Variants in MAP7 observed in about 807,000 individuals in gnomAD.
MAP7 encodes the protein ensconsin.
Under a neutral mutation model 94.8 loss-of-function variants are expected in MAP7, and 52 were observed. That is an observed-to-expected ratio of 0.55 (90% CI 0.44 to 0.69). The LOEUF (loss-of-function observed/expected upper bound fraction) is 0.69. MAP7 is among the 30% of genes least tolerant of loss of function. The pLI is 0.00. For missense variants in MAP7, 940 were observed against 964.6 expected (o/e 0.97, Z 0.34); for synonymous variants, 350 against 357.0 (o/e 0.98, Z 0.22).
intron 1 of MAP7, among the ~76,000 whole-genome samples, chr6:136,494,699 T>C (rs1198488213): frequency 6.6e-6 from 1 of 152,146 alleles, no homozygotes. Context: ...CTACACGAGA[T>C]GAAAGATTGT....
intron 1 of MAP7, among the ~76,000 whole-genome samples, chr6:136,477,590 A>T (rs1411579583): frequency 6.6e-6 from 1 of 152,234 alleles, no homozygotes; most frequent in East Asian, 1.9e-4. Flanking sequence ...ATGATAAAGG[A>T]GTGAATTCAT....
intron 6 of MAP7, among the ~76,000 whole-genome samples, chr6:136,378,447 C>A (rs1776856341): frequency 6.6e-6 from 1 of 152,154 alleles, no homozygotes; most frequent in Admixed American, 6.5e-5. Context: ...AAGATTCGTG[C>A]AAAGTTCTGT....
chr6:136,492,515 T>A lies in MAP7; in HGVS notation c.67+57827A>T, dbSNP rs528340454. Among the ~76,000 whole-genome samples, 99 of 152,344 alleles carry A rather than the reference T, an allele frequency of 6.5e-4. 1 individual carries two copies. Among genetic ancestry groups the A allele is most frequent in the South Asian group, 6.4e-3 (31 of 4,828 alleles). On this transcript the variant is annotated intron_variant, in intron 1 of 17. Transcript: ENST00000354570. ...CATGTAAATATAATCTTAGCTCTAA[T>A]GTTTTCCTTTGGGAGTTTGGGAAAA...
intron 1 of MAP7, among the ~76,000 whole-genome samples, chr6:136,515,841 G>A (rs1824647772): frequency 6.6e-6 from 1 of 152,190 alleles, no homozygotes; most frequent in East Asian, 1.9e-4. Context: ...ATGCAGAGAT[G>A]AGAAGTAGGC....
At chr6:136,415,657 T>C (rs1164474065) in intron 2 of MAP7, among the ~76,000 whole-genome samples, 1 of 152,234 alleles carries the variant, frequency 6.6e-6, no homozygotes, top group Non-Finnish European at 1.5e-5. Context: ...CTCTGATTTC[T>C]ATGCTATCAT....
chr6:136,482,095 A>C (rs1285882942), intron 1 of MAP7, among the ~76,000 whole-genome samples: 1 of 152,206 alleles, frequency 6.6e-6, no homozygotes, highest in Non-Finnish European at 1.5e-5. Context: ...CACCAGTCAG[A>C]AAGGCTCTTA....
intron 16 of MAP7, among the ~76,000 whole-genome samples, chr6:136,352,331 G>T (rs1172638342): frequency 6.6e-6 from 1 of 151,994 alleles, no homozygotes. Flanking sequence ...GGGACGATAG[G>T]TGTACGCCAC....
chr6:136,418,487 T>A (rs2128760702), intron 2 of MAP7, among the ~76,000 whole-genome samples: 1 of 152,342 alleles, frequency 6.6e-6, no homozygotes, highest in South Asian at 2.1e-4. Flanking sequence ...ATTGCTGGGA[T>A]TACAGGCGTG....
chr6:136,393,455 A>G (rs1418937883), intron 3 of MAP7, among the ~76,000 whole-genome samples: 1 of 152,170 alleles, frequency 6.6e-6, no homozygotes, highest in African/African-American at 2.4e-5. Context: ...TTCTAGGATG[A>G]GGCCCGGTAA....
intron 5 of MAP7, among the ~76,000 whole-genome samples, chr6:136,386,046 C>T (rs567843253): frequency 9.9e-5 from 15 of 152,260 alleles, no homozygotes; most frequent in African/African-American, 3.6e-4. Context: ...GCTGGGATTA[C>T]AGGTGTGAGC....
rs566161635 is a variant in MAP7, at chr6:136,362,691, T to C, written c.1285A>G (p.Met429Val). 1.9e-5 allele frequency: 31 copies of C among 1,593,332 alleles called. No individual in the cohort carries two copies. Among genetic ancestry groups the C allele is most frequent in the African/African-American group, 4.1e-5 (3 of 74,028 alleles). ...GGGGCCGAGGCTGGAGCTGGGGCCA[T>C]GGCTGGAGCAGCTGCACAAATAGGT... ...EPEVGPAAPA[M>V]APAPASAPAP... Residue 429 changes from methionine (M) to valine (V), a missense_variant, in exon 11 of 18, where the codon ATG becomes GTG. By Grantham distance (21) the Met-to-Val change is conservative. Transcript: ENST00000354570.
At chr6:136,472,974 C>G (rs1163604790) in intron 1 of MAP7, among the ~76,000 whole-genome samples, 1 of 152,180 alleles carries the variant, frequency 6.6e-6, no homozygotes, top group Non-Finnish European at 1.5e-5. Context: ...AAGAATTATT[C>G]CCATTCCCAG....
Position 136,377,756 on chromosome 6 carries a change from T to G in MAP7, c.750A>C (p.Ala250=), listed in dbSNP as rs1442407786. Residue 250 remains alanine, a splice_region_variant and synonymous_variant, in exon 7 of 18, where the codon GCA becomes GCC. Transcript: ENST00000354570. ...SKSTAALSGE[A]ASCSPIIMPY... is the part of the protein sequence containing the mutation. Reference sequence around the variant, plus strand: ...AAAGTTCCACCTGGACAGTTTTACCTGCTTCTCCAGACAAGGCAGCTGTGC... The same window carrying G: ...AAAGTTCCACCTGGACAGTTTTACCGGCTTCTCCAGACAAGGCAGCTGTGC... 1 of 1,613,362 alleles carries G rather than the reference T, an allele frequency of 6.2e-7. No homozygotes were observed. Among genetic ancestry groups the G allele is most frequent in the Non-Finnish European group, 8.5e-7 (1 of 1,179,358 alleles).
intron 1 of MAP7, among the ~76,000 whole-genome samples, chr6:136,437,514 C>T (rs577864789): frequency 2.0e-5 from 3 of 152,268 alleles, no homozygotes; most frequent in Admixed American, 2.0e-4. Flanking sequence ...AATACAGGCA[C>T]CATCTATGCT....
At chr6:136,547,495 C>T (rs1190830598) in intron 1 of MAP7, among the ~76,000 whole-genome samples, 1 of 151,980 alleles carries the variant, frequency 6.6e-6, no homozygotes, top group Non-Finnish European at 1.5e-5. Flanking sequence ...TATCACCCAT[C>T]GTAGGTCGAC....
chr6:136,382,374 G>A (rs1778046035), intron 6 of MAP7, among the ~76,000 whole-genome samples: 1 of 152,134 alleles, frequency 6.6e-6, no homozygotes, highest in African/African-American at 2.4e-5. Flanking sequence ...GTTCACAAAA[G>A]TATGAAACTA....
At chr6:136,381,919 C>CACACACACACACACACACAGAGAG (rs373754692) in intron 6 of MAP7, among the ~76,000 whole-genome samples, 2 of 102,976 alleles carry the variant, frequency 1.9e-5, no homozygotes, top group African/African-American at 7.7e-5. Context: ...CACACACACA[C>CACACACACACACACACACAGAGAG]AGAGAGAGAG....
At chr6:136,446,206 G>A (rs1799276775) in intron 1 of MAP7, among the ~76,000 whole-genome samples, 1 of 152,054 alleles carries the variant, frequency 6.6e-6, no homozygotes. Flanking sequence ...GGTGGACAGG[G>A]CACAGCATGG....
chr6:136,383,718 T>C lies in MAP7; in HGVS notation c.590A>G (p.Lys197Arg). 1 of 1,611,360 alleles carries C rather than the reference T, an allele frequency of 6.2e-7. No individual in the cohort carries two copies. The highest frequency in any genetic ancestry group is 8.5e-7 in the Non-Finnish European group (1 of 1,178,660). ...LSKYVDPVIS[K>R]RLSSSSATLL... The stretch of plus-strand genomic sequence containing the variant: ...AGTTGCAGATGAAGAGGAGAGCCGC[T>C]TGCTAATGACGGGATCAACATATTT... The change falls in exon 6 of 18, where the codon AAG becomes AGG. Residue 197 changes from lysine to arginine, a missense_variant. Physicochemically the swap from Lys to Arg is conservative, Grantham distance 26. Transcript: ENST00000354570.
Sources: allele counts gnomAD v4.1 joint callset (sites outside exome capture counted in the v4.1 genomes callset), GRCh38; gene constraint gnomAD v4.1.1; transcripts MANE v1.5; gene names NCBI Gene and HGNC (gene_info 2026-07-23, HGNC 2026-07-21).